The following ALLC variants were observed in gnomAD, a reference collection of about 807,000 sequenced individuals.
ALLC encodes the protein probable inactive allantoicase.
ALLC carries 40 observed loss-of-function variants against 45.0 expected under a neutral mutation model. That is an observed-to-expected ratio of 0.89 (90% CI 0.69 to 1.16). The LOEUF (loss-of-function observed/expected upper bound fraction) is 1.16. Ranked by LOEUF, ALLC falls within the 50% of genes most tolerant of loss-of-function variation. The pLI, the probability that ALLC is intolerant of heterozygous loss-of-function variation, is 0.00. For synonymous variants in ALLC, 176 were observed against 178.1 expected, an observed-to-expected ratio of 0.99 and a Z score of 0.09; for missense variants, 488 against 493.1, an observed-to-expected ratio of 0.99 and a Z score of 0.10.
At chr2:3,651,716 C>T in the ALLC span, among the ~76,000 whole-genome samples, 1 of 152,022 alleles carries the variant, frequency 6.6e-6, no homozygotes, top group African/African-American at 2.4e-5. Context: ...GGAGCTCCAT[C>T]GGCCGGGGAG....
At chr2:3,652,772 G>A in the ALLC span, among the ~76,000 whole-genome samples, 3 of 151,970 alleles carry the variant, frequency 2.0e-5, no homozygotes, top group African/African-American at 7.3e-5. Flanking sequence ...AGTAGAGATG[G>A]GGTTTCACCG....
At chr2:3,668,988 G>A (rs1042460969) in intron 1 of ALLC, among the ~76,000 whole-genome samples, 4 of 152,082 alleles carry the variant, frequency 2.6e-5, no homozygotes, top group African/African-American at 9.7e-5. Flanking sequence ...ACCAGCACAC[G>A]CCCATCTCGC....
At chr2:3,676,257 A>G (rs1057225406) in intron 3 of ALLC, among the ~76,000 whole-genome samples, 5 of 152,226 alleles carry the variant, frequency 3.3e-5, no homozygotes, top group African/African-American at 1.2e-4. Context: ...ATATTTTCAC[A>G]AAGCACTTAG....
rs375401460 is a variant in ALLC at position 3,678,533 on chromosome 2, G to A, written c.150G>A (p.Glu50=). The part of the protein sequence containing the change: ...TEFGKWMDGW[E]TRRKRIPGHD... ...TTGGGAAATGGATGGATGGCTGGGA[G>A]ACCAGGAGGAAAAGGATTCCAGGTA... The change falls in exon 4 of 12, where the codon GAG becomes GAA. Residue 50 remains glutamate (E), a synonymous_variant. Transcript: ENST00000252505. The A allele has an allele frequency of 1.9e-6, 3 of 1,613,866 alleles. No individual in the cohort carries two copies. Among genetic ancestry groups the A allele is most frequent in the Non-Finnish European group, 2.5e-6 (3 of 1,179,850 alleles).
rs988427482 is a variant in ALLC, at chr2:3,687,462, T to A, written c.511+4388T>A. On this transcript the variant is annotated intron_variant, in intron 7 of 11. Transcript: ENST00000252505. The stretch of plus-strand genomic sequence containing the variant: ...GGTAATACTGGCCTTGTAGAATGAG[T>A]TTGGAAGTACTCCTGCTTCAATTTT... Among the ~76,000 whole-genome samples, 6 of 151,066 alleles carry A rather than the reference T, an allele frequency of 4.0e-5. 1 individual carries two copies. The highest frequency in any genetic ancestry group is 8.9e-5 in the Non-Finnish European group (6 of 67,598).
intron 5 of ALLC, 93 bp from the exon 6 acceptor site, chr2:3,681,541 C>T: frequency 1.2e-6 from 1 of 828,232 alleles, no homozygotes; most frequent in South Asian, 1.8e-5. Context: ...GTGTTATTTG[C>T]AAAGCGAGAA....
chr2:3,674,646 A>G (rs1261933263), intron 3 of ALLC, among the ~76,000 whole-genome samples: 2 of 152,178 alleles, frequency 1.3e-5, no homozygotes, highest in Non-Finnish European at 2.9e-5. Context: ...TACAGCATTC[A>G]TGACTGGCCT....
intron 1 of ALLC, among the ~76,000 whole-genome samples, chr2:3,660,828 GAGTC>G (rs1050833456): frequency 1.3e-5 from 2 of 151,454 alleles, no homozygotes; most frequent in African/African-American, 4.9e-5. Context: ...AAATCGGAAT[GAGTC>G]AGGGTGGAGC....
chr2:3,656,801 G>A (rs1401624522), upstream of ALLC, among the ~76,000 whole-genome samples: 10 of 145,356 alleles, frequency 6.9e-5, no homozygotes, highest in East Asian at 1.9e-3. Flanking sequence ...TCAGGGTGTG[G>A]AGGGCAGGGG....
the ALLC span, among the ~76,000 whole-genome samples, chr2:3,652,881 C>G: frequency 6.6e-6 from 1 of 152,122 alleles, no homozygotes; most frequent in Non-Finnish European, 1.5e-5. Context: ...CACGCCTGGC[C>G]AAAACTTAGT....
chr2:3,690,425 TCCCCTCCCCCCCTCCCCTCCCCTC>T, intron 7 of ALLC, among the ~76,000 whole-genome samples: 1 of 1,116 alleles, frequency 9.0e-4, no homozygotes. Flanking sequence ...CCCTCCCCCT[TCCCCTCCCCCCCTCCCCTCCCCTC>T]CCCTCCCCTC....
At chr2:3,656,970 C>A (rs190209982), upstream of ALLC, among the ~76,000 whole-genome samples, 1 of 152,268 alleles carries the variant, frequency 6.6e-6, no homozygotes, top group East Asian at 1.9e-4. Context: ...TGATCCGAGG[C>A]GGCGAGCGGG....
chr2:3,681,725 C>G lies in ALLC; in HGVS notation c.378+12C>G. 6.3e-7 allele frequency: 1 copy of G among 1,599,630 alleles called. No homozygotes were observed. On this transcript the variant is annotated intron_variant, in intron 6 of 11. Transcript: ENST00000252505. ...AAGCCATTGCTGAGGTACATCTCCC[C>G]CAAATGAATTGGGTCTTGTCACCAA...
chr2:3,663,602 A>G (rs1666627619), intron 1 of ALLC, among the ~76,000 whole-genome samples: 1 of 151,976 alleles, frequency 6.6e-6, no homozygotes, highest in Non-Finnish European at 1.5e-5. Context: ...AAAAGACTCT[A>G]TGTCAGAAAC....
At chr2:3,655,141 G>A (rs953714335), upstream of ALLC, among the ~76,000 whole-genome samples, 9 of 152,242 alleles carry the variant, frequency 5.9e-5, no homozygotes, top group African/African-American at 2.2e-4. Flanking sequence ...AGGGCAGGTT[G>A]CACCATGACA....
chr2:3,667,428 G>A lies in ALLC; in HGVS notation c.-62-3668G>A, dbSNP rs1572507454. Among the ~76,000 whole-genome samples, 7 of 152,336 alleles carry A rather than the reference G, an allele frequency of 4.6e-5. No individual in the cohort carries two copies. In the South Asian group the frequency reaches 1.0e-3, roughly 23 times the overall value. On this transcript the variant is annotated intron_variant, in intron 1 of 11. Coordinates refer to ENST00000252505, the MANE Select transcript of ALLC (RefSeq NM_018436.4). Reference sequence around the variant, plus strand: ...TGGAGTTTGTTTAACCAACACTCCCGTGACACTCATCGAGCTCCAGCGCTC... The same window carrying A: ...TGGAGTTTGTTTAACCAACACTCCCATGACACTCATCGAGCTCCAGCGCTC...
chr2:3,684,908 C>T (rs1667285486), intron 7 of ALLC, among the ~76,000 whole-genome samples: 1 of 152,080 alleles, frequency 6.6e-6, no homozygotes, highest in East Asian at 1.9e-4. Context: ...ATGAGGTATC[C>T]ATCCCCAATC....
At chr2:3,667,268 A>G (rs991371944) in intron 1 of ALLC, among the ~76,000 whole-genome samples, 1 of 152,128 alleles carries the variant, frequency 6.6e-6, no homozygotes, top group Non-Finnish European at 1.5e-5. Context: ...ATTCCCTGGG[A>G]TGGTCACCAC....
the ALLC span, among the ~76,000 whole-genome samples, chr2:3,647,040 G>A: frequency 3.9e-5 from 6 of 152,078 alleles, no homozygotes; most frequent in Non-Finnish European, 8.8e-5. Flanking sequence ...CCGTGAGGAC[G>A]CAGAGCCACT....
Sources: gnomAD v4.1 joint callset for allele counts (sites outside exome capture counted in the v4.1 genomes callset) on GRCh38, gnomAD v4.1.1 for gene constraint, MANE v1.5 for transcripts, NCBI Gene and HGNC (gene_info 2026-07-23, HGNC 2026-07-21) for gene names.